The following MUC4 variants were observed in gnomAD, a reference collection of about 807,000 sequenced individuals.
MUC4 encodes mucin 4, cell surface associated.
MUC4 carries 202 observed loss-of-function variants against 257.9 expected under a neutral mutation model. The ratio of observed to expected loss-of-function variants is 0.78; its 90% CI spans 0.70 to 0.88. The LOEUF (loss-of-function observed/expected upper bound fraction) is 0.88, where lower values mean the gene tolerates loss of function less well. MUC4 is among the 40% of genes least tolerant of loss of function. The pLI is 0.00. For synonymous variants in MUC4, 2,351 were observed against 2,757.1 expected (o/e 0.85, Z 4.62); for missense variants, 5,976 against 6,513.7 (o/e 0.92, Z 2.84).
intron 10 of MUC4, among the ~76,000 whole-genome samples, chr3:195,764,721 C>T (rs1720044599): frequency 6.6e-6 from 1 of 152,096 alleles, no homozygotes; most frequent in African/African-American, 2.4e-5. Flanking sequence ...TCTACAGGGA[C>T]GGGGTCAGCC....
At chr3:195,776,729 C>G (rs1284418037) in intron 3 of MUC4, among the ~76,000 whole-genome samples, 18 of 63,672 alleles carry the variant, frequency 2.8e-4, no homozygotes, top group Admixed American at 5.5e-4. Flanking sequence ...ACCTTCCACA[C>G]CCATACCTTC....
Position 195,789,849 on chromosome 3 carries a change from A to G in MUC4, c.1731T>C (p.Ala577=), listed in dbSNP as rs1442354425. 6.2e-7 allele frequency: 1 copy of G among 1,613,964 alleles called. No individual in the cohort carries two copies. The highest frequency in any genetic ancestry group is 1.7e-5 in the Admixed American group (1 of 60,020). ...WTQETGTTGE[A]LLSSPSYSVT... Reference sequence around the variant, plus strand: ...CACTGTAGCTTGGGCTGCTGAGAAGAGCCTCTCCAGTGGTCCCCGTTTCTT... The same window carrying G: ...CACTGTAGCTTGGGCTGCTGAGAAGGGCCTCTCCAGTGGTCCCCGTTTCTT... Residue 577 remains alanine, a synonymous_variant, in exon 2 of 25, where the codon GCT becomes GCC. Transcript: ENST00000463781.
intron 18 of MUC4, 23 bp from the exon 19 acceptor site, chr3:195,754,395 G>A (rs763607050): frequency 5.7e-6 from 9 of 1,589,558 alleles, no homozygotes; most frequent in Admixed American, 1.7e-5. Context: ...TGCCGATCAC[G>A]GGCGGCCAGG....
intron 21 of MUC4, 185 bp from the exon 22 acceptor site, chr3:195,751,456 C>G: frequency 1.6e-6 from 1 of 617,138 alleles, no homozygotes; most frequent in Non-Finnish European, 2.9e-6. Context: ...GTCATGGGTC[C>G]TTGCTTAATA....
chr3:195,752,499 C>T, intron 20 of MUC4, 53 bp from the exon 21 acceptor site: 1 of 1,526,412 alleles, frequency 6.6e-7, no homozygotes, highest in Non-Finnish European at 9.1e-7. Context: ...CCCAGACTTA[C>T]CCAAAAAGTC....
chr3:195,789,283 G>C lies in MUC4; in HGVS notation c.2297C>G (p.Thr766Arg). Residue 766 changes from threonine (T) to arginine (R), a missense_variant, in exon 2 of 25, where the codon ACA becomes AGA. Thr to Arg is a moderately conservative substitution (Grantham distance 71). Coordinates refer to ENST00000463781, the MANE Select transcript of MUC4 (RefSeq NM_018406.7). ...TSASASTSPDTAAAMTHTHQA... is the reference protein window; with the variant it reads ...TSASASTSPDRAAAMTHTHQA... ...GTGGGTATGGGTCATGGCTGCTGCT[G>C]TGTCAGGTGAGGTGCTGGCAGAGGC... 1 of 1,613,924 alleles carries C rather than the reference G, an allele frequency of 6.2e-7. No homozygotes were observed. Among genetic ancestry groups the C allele is most frequent in the Non-Finnish European group, 8.5e-7 (1 of 1,179,868 alleles).
chr3:195,763,452 C>T lies in MUC4; in HGVS notation c.14234G>A (p.Ser4745Asn). ...FIAFAAQYRS[S>N]SLGPVTVQWL... is the part of the protein sequence containing the mutation. ...ACTCACCGTGACGGGGCCCAGGCTG[C>T]TGGAGCGGTACTGAGCCGCAAAGGC... Residue 4745 changes from serine to asparagine, a missense_variant, in exon 12 of 25, where the codon AGC (serine) becomes AAC (asparagine). By Grantham distance (46) the Ser-to-Asn change is conservative. Transcript: ENST00000463781. The T allele has an allele frequency of 7.0e-7, 1 of 1,435,822 alleles. No homozygotes were observed. The allele number at this position is 1,435,822 out of a possible 1,614,324, so 88.9% of individuals were successfully genotyped here. A position where few individuals can be genotyped will look rare whatever the true frequency, so the allele number is the denominator to read the frequency against.
rs1729129579 is a variant in MUC4 at position 195,783,066 on chromosome 3, A to C, written c.8514T>G (p.Pro2838=). The change falls in exon 2 of 25, where the codon CCT becomes CCG. Residue 2838 remains proline (P), a synonymous_variant. Transcript: ENST00000463781. ...GHATSLPVTI[P]SSASSGHTTP... is the part of the protein sequence containing the mutation. ...TGGTGTGACCTGAGGATGCTGAGGA[A>C]GGGATGGTGACAGGAAGAGAGGTGG... 2.5e-6 allele frequency: 2 copies of C among 799,438 alleles called. No homozygotes were observed. The highest frequency in any genetic ancestry group is 3.5e-6 in the Non-Finnish European group (2 of 569,206). 49.5% of individuals were successfully genotyped at this position (799,438 alleles called of 1,614,324 possible).
At chr3:195,794,652 G>A (rs1025864507) in intron 1 of MUC4, among the ~76,000 whole-genome samples, 11 of 152,044 alleles carry the variant, frequency 7.2e-5, no homozygotes, top group African/African-American at 2.4e-4. Flanking sequence ...GTGAGCCACC[G>A]CTCCCACCCT....
In MUC4 at chr3:195,788,970, G is replaced by A. The variant is rs979886467; in HGVS notation, c.2610C>T (p.Gly870=). The A allele has an allele frequency of 1.9e-6, 3 of 1,613,592 alleles. No individual in the cohort carries two copies. The highest frequency in any genetic ancestry group is 2.7e-5 in the African/African-American group (2 of 74,892). The change falls in exon 2 of 25, where the codon GGC becomes GGT. Residue 870 remains glycine (G), a synonymous_variant. Coordinates refer to ENST00000463781, the MANE Select transcript of MUC4 (RefSeq NM_018406.7). Reference sequence around the variant, plus strand: ...CCTCAGAGAGGGTGGGATGAAAGGTGCCGGGGACGATCGAAGACGCCATTC... The same window carrying A: ...CCTCAGAGAGGGTGGGATGAAAGGTACCGGGGACGATCGAAGACGCCATTC... ...STGMASSIVP[G]TFHPTLSEAS... is the part of the protein sequence containing the mutation.
intron 21 of MUC4, chr3:195,751,892 C>T (rs1224061362): frequency 5.1e-6 from 1 of 195,344 alleles, no homozygotes; most frequent in Non-Finnish European, 1.1e-5. Context: ...TACAGATGAC[C>T]TGTTATATGA....
At chr3:195,748,181 T>C (rs1450978928) in intron 24 of MUC4, among the ~76,000 whole-genome samples, 2 of 152,274 alleles carry the variant, frequency 1.3e-5, no homozygotes, top group Non-Finnish European at 2.9e-5. Context: ...CTCGCTTGAC[T>C]GAGGGGCAGG....
Position 195,755,555 on chromosome 3 carries a change from AAC to A in MUC4, c.15169-1185_15169-1184del, listed in dbSNP as rs1255092587. Among the ~76,000 whole-genome samples the A allele has an allele frequency of 1.3e-5, 2 of 152,074 alleles. No individual in the cohort carries two copies. Among genetic ancestry groups the A allele is most frequent in the Non-Finnish European group, 2.9e-5 (2 of 67,996 alleles). The stretch of plus-strand genomic sequence containing the variant: ...GCCTCCCTGCTGAGCACTGTGAGAA[AAC>A]ACAGCAGCCAGTACAGCAGCTCAGC... On this transcript the variant is annotated intron_variant, in intron 18 of 24. Transcript: ENST00000463781. The surrounding 1 kb of genome is among the most constrained non-coding windows in gnomAD (Gnocchi z 5.0).
Position 195,750,916 on chromosome 3 carries a change from C to A in MUC4, c.15844G>T (p.Gly5282Trp), listed in dbSNP as rs115332872. ...GCTGTCACATCGCGCACGTCTTCCC[C>A]GGAGATGGGCTGGAAGACCACGTCG... is the stretch of plus-strand genomic sequence containing the variant. Reference protein sequence around the residue: ...RNDVVFQPISGEDVRDVTALN... With the variant: ...RNDVVFQPISWEDVRDVTALN... Residue 5282 changes from glycine (G) to tryptophan (W), a missense_variant, in exon 23 of 25, where the codon GGG becomes TGG. Physicochemically the swap from Gly to Trp is radical, Grantham distance 184. Transcript: ENST00000463781. 1 of 1,613,664 alleles carries A rather than the reference C, an allele frequency of 6.2e-7. No individual in the cohort carries two copies. Among genetic ancestry groups the A allele is most frequent in the African/African-American group, 1.3e-5 (1 of 74,898 alleles).
In MUC4 at chr3:195,778,362, G is replaced by A. The variant is rs931743314; in HGVS notation, c.12884C>T (p.Pro4295Leu). ...TTSQTIISTI[P>L]STAMHTRSTA... ...GGAGCGGGTGTGCATGGCAGTGCTG[G>A]GAATGGTGGAAATGATGGTCTGGGA... Residue 4295 changes from proline to leucine, a missense_variant, in exon 3 of 25, where the codon CCC (proline) becomes CTC (leucine). By Grantham distance (98) the Pro-to-Leu change is moderately conservative. Transcript: ENST00000463781. 1.2e-6 allele frequency: 2 copies of A among 1,613,116 alleles called. No individual in the cohort carries two copies. The highest frequency in any genetic ancestry group is 1.7e-6 in the Non-Finnish European group (2 of 1,179,906).
At chr3:195,763,998 C>T (rs1719838201) in intron 11 of MUC4, 47 bp downstream of exon 11, 1 of 1,577,374 alleles carries the variant, frequency 6.3e-7, no homozygotes, top group East Asian at 2.3e-5. Flanking sequence ...AGCCCAGAAG[C>T]TCCCCCTCCC....
chr3:195,763,527 A>G lies in MUC4; in HGVS notation c.14159T>C (p.Leu4720Pro), dbSNP rs765004525. The G allele has an allele frequency of 6.3e-7, 1 of 1,578,212 alleles. No individual in the cohort carries two copies. Reference sequence around the variant, plus strand: ...GCCAGTCTGGGCGGTGCGGCCCTGAAGCAGGAAGGAGGAGTTCCCGTCTTG... The same window carrying G: ...GCCAGTCTGGGCGGTGCGGCCCTGAGGCAGGAAGGAGGAGTTCCCGTCTTG... Reference protein sequence around the residue: ...GAQDGNSSFLLQGRTAQTGSA... With the variant: ...GAQDGNSSFLPQGRTAQTGSA... The change falls in exon 12 of 25, where the codon CTT (leucine) becomes CCT (proline). Residue 4720 changes from leucine to proline, a missense_variant. By Grantham distance (98) the Leu-to-Pro change is moderately conservative (BLOSUM62 -3). Coordinates refer to ENST00000463781, the MANE Select transcript of MUC4 (RefSeq NM_018406.7).
In MUC4 at chr3:195,781,389, G is replaced by A. The variant is rs1432769947; in HGVS notation, c.10191C>T (p.Asn3397=). ...TGTCACCTGTGGATACTGAGGAAGTGTTGGTGACAGGAAGAGGGGTGGCCT... is the reference window on the plus strand; with the variant it reads ...TGTCACCTGTGGATACTGAGGAAGTATTGGTGACAGGAAGAGGGGTGGCCT... ...TGQATPLPVT[N]TSSVSTGDTM... Residue 3397 remains asparagine (N), a synonymous_variant, in exon 2 of 25, where the codon AAC becomes AAT. Transcript: ENST00000463781. The A allele has an allele frequency of 5.8e-4, 880 of 1,523,064 alleles. 80 individuals are homozygous for A. Among genetic ancestry groups the A allele is most frequent in the Non-Finnish European group, 7.3e-4 (826 of 1,129,782 alleles). 94.3% of individuals were successfully genotyped at this position (1,523,064 alleles called of 1,614,324 possible).
Position 195,763,458 on chromosome 3 carries a change from CG to C in MUC4, c.14227del (p.Arg4743AlafsTer29), listed in dbSNP as rs1719695942. ...CGTGACGGGGCCCAGGCTGCTGGAG[CG>C]GTACTGAGCCGCAAAGGCGATGAAG... ...TNFIAFAAQY[R>X]SSSLGPVTVQ... On this transcript the variant is annotated frameshift_variant, in exon 12 of 25. Transcript: ENST00000463781. LOFTEE classifies it high-confidence loss of function. The C allele has an allele frequency of 1.4e-6, 2 of 1,448,254 alleles. No individual in the cohort carries two copies. Among genetic ancestry groups the C allele is most frequent in the African/African-American group, 1.4e-5 (1 of 69,616 alleles). 89.7% of individuals were successfully genotyped at this position (1,448,254 alleles called of 1,614,324 possible). A position where few individuals can be genotyped will look rare whatever the true frequency, so the allele number is the denominator to read the frequency against.
Sources: allele counts gnomAD v4.1 joint callset (sites outside exome capture counted in the v4.1 genomes callset), GRCh38; gene constraint gnomAD v4.1.1; non-coding constraint Gnocchi (gnomAD v3.1); transcripts MANE v1.5; gene names NCBI Gene and HGNC (gene_info 2026-07-23, HGNC 2026-07-21).